The following TENM2 variants were observed in gnomAD, a reference collection of about 807,000 sequenced individuals.
TENM2 encodes teneurin-2.
TENM2 carries 52 observed loss-of-function variants against 245.2 expected under a neutral mutation model. The ratio of observed to expected loss-of-function variants is 0.21; its 90% confidence interval spans 0.17 to 0.27. The LOEUF is 0.27. Ranked by LOEUF, TENM2 falls within the 10% of genes least tolerant of loss-of-function variation. The probability of loss-of-function intolerance (pLI) is 1.00; values close to 1 mark genes in which losing one functional copy is unlikely to be tolerated. For synonymous variants in TENM2, 1,363 were observed against 1,438.9 expected (o/e 0.95, Z 1.19); for missense variants, 3,046 against 3,666.8 (o/e 0.83, Z 4.37).
At chr5:168,204,716 G>C in intron 19 of TENM2, 95 bp downstream of exon 21, 1 of 1,490,208 alleles carries the variant, frequency 6.7e-7, no homozygotes, top group Non-Finnish European at 9.1e-7. Flanking sequence ...GGATTCTCCA[G>C]AGAAGATATA....
At chr5:167,421,575 G>C (rs1039639959) in intron 2 of TENM2, among the ~76,000 whole-genome samples, 1 of 152,132 alleles carries the variant, frequency 6.6e-6, no homozygotes, top group Non-Finnish European at 1.5e-5. Context: ...TAATGTGGCA[G>C]GACAGAGTGT....
chr5:167,605,836 C>T (rs1388819132), intron 2 of TENM2, among the ~76,000 whole-genome samples: 1 of 152,184 alleles, frequency 6.6e-6, no homozygotes, highest in African/African-American at 2.4e-5. Context: ...CGGGAATGCA[C>T]ATCAGGATCA....
At chr5:168,005,618 G>A (rs1395787372) in intron 5 of TENM2, among the ~76,000 whole-genome samples, 1 of 152,184 alleles carries the variant, frequency 6.6e-6, no homozygotes, top group East Asian at 1.9e-4. Context: ...ACTTACCAGG[G>A]CAGTTATACA....
chr5:167,584,465 T>G (rs1229963557), intron 2 of TENM2, among the ~76,000 whole-genome samples: 3 of 152,178 alleles, frequency 2.0e-5, no homozygotes, highest in Non-Finnish European at 4.4e-5. Flanking sequence ...ACCAGTCTGA[T>G]TGGTTGGGGG....
intron 1 of TENM2, among the ~76,000 whole-genome samples, chr5:167,368,429 T>C (rs558297229): frequency 5.3e-5 from 8 of 152,288 alleles, no homozygotes; most frequent in African/African-American, 1.9e-4. Flanking sequence ...GGGTCATTTT[T>C]TTTCCAAAAA....
At chr5:168,041,012 T>C (rs931702002) in intron 5 of TENM2, among the ~76,000 whole-genome samples, 3 of 152,222 alleles carry the variant, frequency 2.0e-5, no homozygotes, top group Non-Finnish European at 4.4e-5. Flanking sequence ...GAGTGAGCCT[T>C]GACAATATTT....
chr5:168,105,961 C>T (rs763758959), intron 9 of TENM2, among the ~76,000 whole-genome samples: 2 of 152,198 alleles, frequency 1.3e-5, no homozygotes, highest in Non-Finnish European at 2.9e-5. Flanking sequence ...GTTTGTAAAG[C>T]AGCCTTGCAT....
chr5:167,302,268 A>G (rs1561847340), intron 1 of TENM2, among the ~76,000 whole-genome samples: 1 of 152,114 alleles, frequency 6.6e-6, no homozygotes. Flanking sequence ...GGCATTATAG[A>G]AGAAAATAAG....
chr5:167,233,648 T>C, the TENM2 span, among the ~76,000 whole-genome samples: 2 of 152,318 alleles, frequency 1.3e-5, no homozygotes, highest in East Asian at 3.9e-4. Flanking sequence ...TGTTAACATA[T>C]AATGTATTCA....
At position 167,776,593 on chromosome 5, in the gene TENM2, G is replaced by GGAAAAAAAAAAAAAAAA. The variant is rs1437587032; in HGVS notation, c.503-99393_503-99392insGAAAAAAAAAAAAAAAA. Among the ~76,000 whole-genome samples, 5 of 36,026 alleles carry GGAAAAAAAAAAAAAAAA rather than the reference G, an allele frequency of 1.4e-4. 1 individual carries two copies. Among genetic ancestry groups the GGAAAAAAAAAAAAAAAA allele is most frequent in the Admixed American group, 4.1e-4 (1 of 2,422 alleles). 23.6% of individuals were successfully genotyped at this position (36,026 alleles called of 152,430 possible). On this transcript the variant is annotated intron_variant, in intron 2 of 28. Transcript: ENST00000518659. ...TTGGGCAGCAGATGAGACCCTGTCT[G>GGAAAAAAAAAAAAAAAA]AAAAAAAAAAAAAAAAAAAAAAAAA...
intron 6 of TENM2, 148 bp downstream of exon 8, chr5:168,047,697 C>T: frequency 1.0e-6 from 1 of 1,002,128 alleles, no homozygotes; most frequent in Non-Finnish European, 1.5e-6. Context: ...TCATAGGTGC[C>T]CCCATTAAAA....
At chr5:167,809,942 G>C (rs1766509631) in intron 2 of TENM2, among the ~76,000 whole-genome samples, 1 of 152,154 alleles carries the variant, frequency 6.6e-6, no homozygotes, top group Non-Finnish European at 1.5e-5. Flanking sequence ...CCTTGCTCCA[G>C]TCAATAGAGA....
the TENM2 span, among the ~76,000 whole-genome samples, chr5:167,225,686 G>T: frequency 2.6e-5 from 4 of 151,972 alleles, no homozygotes; most frequent in South Asian, 2.1e-4. Context: ...TCATAGAATA[G>T]TTAGGAAGAA....
the TENM2 span, among the ~76,000 whole-genome samples, chr5:167,086,937 A>G: frequency 1.1e-3 from 143 of 134,920 alleles, no homozygotes; most frequent in African/African-American, 4.2e-3. Context: ...ACGCACACAC[A>G]CACACACACA....
At chr5:168,108,649 A>G (rs1794438766) in intron 9 of TENM2, among the ~76,000 whole-genome samples, 1 of 152,228 alleles carries the variant, frequency 6.6e-6, no homozygotes, top group African/African-American at 2.4e-5. Context: ...TAGCAGGGCC[A>G]CGTCTGCCTG....
chr5:167,335,313 C>T (rs1757693548), intron 1 of TENM2, among the ~76,000 whole-genome samples: 1 of 152,124 alleles, frequency 6.6e-6, no homozygotes, highest in African/African-American at 2.4e-5. Context: ...AAGAGGATGG[C>T]ACTAAACCAT....
intron 2 of TENM2, among the ~76,000 whole-genome samples, chr5:167,679,898 T>TA (rs1756586575): frequency 6.6e-6 from 1 of 152,152 alleles, no homozygotes; most frequent in Non-Finnish European, 1.5e-5. Context: ...ATCATGGTGG[T>TA]AATGCTTTTT....
intron 13 of TENM2, among the ~76,000 whole-genome samples, chr5:168,188,050 G>A (rs1334536873): frequency 6.6e-6 from 1 of 152,122 alleles, no homozygotes; most frequent in Non-Finnish European, 1.5e-5. Flanking sequence ...TTTAAAGCCA[G>A]GCAAAACATG....
chr5:167,357,519 C>T (rs1426146203), intron 1 of TENM2, among the ~76,000 whole-genome samples: 2 of 152,090 alleles, frequency 1.3e-5, no homozygotes, highest in African/African-American at 4.8e-5. Flanking sequence ...CTCAGCCTCC[C>T]AAAGTGCTGG....
Sources: gnomAD v4.1 joint callset for allele counts (sites outside exome capture counted in the v4.1 genomes callset) on GRCh38, gnomAD v4.1.1 for gene constraint, MANE v1.5 for transcripts, NCBI Gene and HGNC (gene_info 2026-07-23, HGNC 2026-07-21) for gene names.